The following RAX2 variants were observed in gnomAD, a reference collection of about 807,000 sequenced individuals.
RAX2 encodes the protein retina and anterior neural fold homeobox protein 2.
Under a neutral mutation model 5.8 loss-of-function variants are expected in RAX2, and 4 were observed. The ratio of observed to expected loss-of-function variants is 0.69; its 90% CI spans 0.34 to 1.58. The LOEUF is 1.58. RAX2 is among the 40% of genes most tolerant of loss of function. RAX2 has a pLI of 0.05. For missense variants in RAX2, 275 were observed against 271.4 expected, an observed-to-expected ratio of 1.01 and a Z score of -0.09; for synonymous variants, 133 against 128.8, an observed-to-expected ratio of 1.03 and a Z score of -0.22.
At position 3,770,786 on chromosome 19, in the gene RAX2, T is replaced by G. The variant is rs2037247103; in HGVS notation, c.390A>C (p.Pro130=). ...CCGGGCCCAGGAGGCGGGGGAGGCC[T>G]GGCACGGCCGGCGGTCCGGGGCCCA... ...PWLGPGPPAV[P]GLPRLLGPGP... is the part of the protein sequence containing the mutation. The change falls in exon 3 of 3, where the codon CCA becomes CCC. Residue 130 remains proline, a synonymous_variant. Transcript: ENST00000555633. 6.6e-7 allele frequency: 1 copy of G among 1,522,666 alleles called. No homozygotes were observed. The highest frequency in any genetic ancestry group is 8.8e-7 in the Non-Finnish European group (1 of 1,141,148). 94.3% of individuals were successfully genotyped at this position (1,522,666 alleles called of 1,614,324 possible).
Position 3,771,024 on chromosome 19 carries a change from C to T in RAX2, c.217-65G>A. On this transcript the variant is annotated intron_variant, in intron 2 of 2. Coordinates refer to ENST00000555633, the MANE Select transcript of RAX2 (RefSeq NM_001319074.4). The surrounding 1 kb of genome is among the most constrained non-coding windows in gnomAD (Gnocchi z 4.2). ...AGCCGCTCCCCGCCAATCCTCGGAC[C>T]CCCTCTGCACACCCCAGCCCTGGGG... 1 of 1,262,630 alleles carries T rather than the reference C, an allele frequency of 7.9e-7. No homozygotes were observed. The highest frequency in any genetic ancestry group is 2.0e-5 in the Admixed American group (1 of 50,308). The allele number at this position is 1,262,630 out of a possible 1,614,324, so 78.2% of individuals were successfully genotyped here.
Position 3,770,711 on chromosome 19 carries a change from G to A in RAX2, c.465C>T (p.Phe155=), listed in dbSNP as rs923302208. The A allele has an allele frequency of 1.1e-5, 17 of 1,535,592 alleles. No homozygotes were observed. The highest frequency in any genetic ancestry group is 2.7e-5 in the African/African-American group (2 of 72,946). Residue 155 remains phenylalanine (F), a synonymous_variant, in exon 3 of 3, where the codon TTC becomes TTT. Transcript: ENST00000555633. ...SFGPHAFAPT[F]ADGFALEEAS... ...CCTCCTCCAGGGCGAAGCCATCTGC[G>A]AAGGTGGGAGCAAAGGCATGAGGCC...
In RAX2 at chr19:3,769,906, G is replaced by C. The variant is rs2037232967; in HGVS notation, c.*715C>G. ...GGAGGCCCACCAGCACCTGGCCCGG[G>C]ACCCACCCTCTCTCCAGAACCTGTC... On this transcript the variant is annotated 3_prime_UTR_variant, in exon 3 of 3. Transcript: ENST00000555633. 6.6e-6 allele frequency: 1 copy of C among 152,588 alleles called. No homozygotes were observed. The highest frequency in any genetic ancestry group is 1.5e-5 in the Non-Finnish European group (1 of 68,408). The allele number at this position is 152,588 out of a possible 1,614,324, so 9.5% of individuals were successfully genotyped here. A position where few individuals can be genotyped will look rare whatever the true frequency, so the allele number is the denominator to read the frequency against.
chr19:3,771,851 G>T lies in RAX2; in HGVS notation c.-109C>A. The stretch of plus-strand genomic sequence containing the variant: ...CCCAGGCTTGCCTCCCGGCTCCGGG[G>T]AAATCGGTTCCCTCCACTGGGGCCG... On this transcript the variant is annotated 5_prime_UTR_variant, in exon 2 of 3. Coordinates refer to ENST00000555633, the MANE Select transcript of RAX2 (RefSeq NM_001319074.4). The surrounding 1 kb of genome is among the most constrained non-coding windows in gnomAD (Gnocchi z 4.2). 6.8e-7 allele frequency: 1 copy of T among 1,460,460 alleles called. No homozygotes were observed. The highest frequency in any genetic ancestry group is 9.0e-7 in the Non-Finnish European group (1 of 1,107,880). 90.5% of individuals were successfully genotyped at this position (1,460,460 alleles called of 1,614,324 possible). A position where few individuals can be genotyped will look rare whatever the true frequency, so the allele number is the denominator to read the frequency against.
In RAX2 at chr19:3,771,635, G is replaced by A. The variant is rs755448810; in HGVS notation, c.108C>T (p.Thr36=). The part of the protein sequence containing the change: ...KHRRNRTTFT[T]YQLHQLERAF... ...CCCGCTCCAGCTGGTGCAGCTGGTA[G>A]GTGGTGAAGGTGGTGCGGTTCCTCC... Residue 36 remains threonine (T), a synonymous_variant, in exon 2 of 3, where the codon ACC becomes ACT. Transcript: ENST00000555633. The surrounding 1 kb of genome is among the most constrained non-coding windows in gnomAD (Gnocchi z 4.2). The A allele has an allele frequency of 1.2e-6, 2 of 1,613,478 alleles. No individual in the cohort carries two copies. The highest frequency in any genetic ancestry group is 1.7e-5 in the Admixed American group (1 of 59,996).
Position 3,770,896 on chromosome 19 carries a change from C to A in RAX2, c.280G>T (p.Ala94Ser). 1 of 1,544,098 alleles carries A rather than the reference C, an allele frequency of 6.5e-7. No homozygotes were observed. The highest frequency in any genetic ancestry group is 1.9e-5 in the Admixed American group (1 of 51,560). Residue 94 changes from alanine to serine, a missense_variant, in exon 3 of 3, where the codon GCC becomes TCC. By Grantham distance (99) the Ala-to-Ser change is moderately conservative. Transcript: ENST00000555633. The part of the protein sequence containing the change: ...RQERLESGSG[A>S]VAAPRLPEAP... Reference sequence around the variant, plus strand: ...TCGGGGAGTCTCGGAGCTGCCACGGCACCCGAGCCTGACTCCAGCCGCTCC... The same window carrying A: ...TCGGGGAGTCTCGGAGCTGCCACGGAACCCGAGCCTGACTCCAGCCGCTCC...
At position 3,772,016 on chromosome 19, in the gene RAX2, T is replaced by C; in HGVS notation, c.-268-6A>G. On this transcript the variant is annotated splice_region_variant and splice_polypyrimidine_tract_variant and intron_variant, in intron 1 of 2. Transcript: ENST00000555633. Reference sequence around the variant, plus strand: ...CTCTCTGTGACTGTCACGGCCTGTGTGTGTGTGTGTCGGCGGGGGGGGGTC... The same window carrying C: ...CTCTCTGTGACTGTCACGGCCTGTGCGTGTGTGTGTCGGCGGGGGGGGGTC... 2.0e-6 allele frequency: 1 copy of C among 492,010 alleles called. No homozygotes were observed. Among genetic ancestry groups the C allele is most frequent in the Non-Finnish European group, 3.7e-6 (1 of 269,960 alleles). 30.5% of individuals were successfully genotyped at this position (492,010 alleles called of 1,614,324 possible). A position where few individuals can be genotyped will look rare whatever the true frequency, so the allele number is the denominator to read the frequency against.
rs543639717 is a variant in RAX2 at position 3,769,602 on chromosome 19, C to G, written c.*1019G>C. On this transcript the variant is annotated 3_prime_UTR_variant, in exon 3 of 3. Coordinates refer to ENST00000555633, the MANE Select transcript of RAX2 (RefSeq NM_001319074.4). Reference sequence around the variant, plus strand: ...GCTACTGCAGCTCCTGCCCTGGTGCCGCACTTCTGTCCCGGGAGGTGGCGC... The same window carrying G: ...GCTACTGCAGCTCCTGCCCTGGTGCGGCACTTCTGTCCCGGGAGGTGGCGC... 6.5e-6 allele frequency: 1 copy of G among 152,864 alleles called. No homozygotes were observed. Among genetic ancestry groups the G allele is most frequent in the Admixed American group, 6.5e-5 (1 of 15,304 alleles). The allele number at this position is 152,864 out of a possible 1,614,324, so 9.5% of individuals were successfully genotyped here.
chr19:3,771,123 A>C lies in RAX2; in HGVS notation c.217-164T>G, dbSNP rs904547539. Among the ~76,000 whole-genome samples, 56 of 151,808 alleles carry C rather than the reference A, an allele frequency of 3.7e-4. No individual in the cohort carries two copies. The highest frequency in any genetic ancestry group is 1.2e-3 in the African/African-American group (51 of 41,436). Reference sequence around the variant, plus strand: ...GCCCCAAGAAGATGAGGATCTCCCAAGCGTTCCCTAAGCCCAGGCTCCCCT... The same window carrying C: ...GCCCCAAGAAGATGAGGATCTCCCACGCGTTCCCTAAGCCCAGGCTCCCCT... On this transcript the variant is annotated intron_variant, in intron 2 of 2. Coordinates refer to ENST00000555633, the MANE Select transcript of RAX2 (RefSeq NM_001319074.4). The surrounding 1 kb of genome is among the most constrained non-coding windows in gnomAD (Gnocchi z 4.2).
rs772854972 is a variant in RAX2 at position 3,771,754 on chromosome 19, G to C, written c.-12C>G. ...GGGCTCAGGAACATGGCTCCCACCTGGTGGGACGGCAGCGGGACAGATGGT... is the reference window on the plus strand; with the variant it reads ...GGGCTCAGGAACATGGCTCCCACCTCGTGGGACGGCAGCGGGACAGATGGT... On this transcript the variant is annotated 5_prime_UTR_variant, in exon 2 of 3. Transcript: ENST00000555633. The surrounding 1 kb of genome is among the most constrained non-coding windows in gnomAD (Gnocchi z 4.2). 6.3e-7 allele frequency: 1 copy of C among 1,587,594 alleles called. No individual in the cohort carries two copies. Among genetic ancestry groups the C allele is most frequent in the Non-Finnish European group, 8.5e-7 (1 of 1,170,900 alleles).
rs2037259378 is a variant in RAX2 at position 3,771,456 on chromosome 19, GGA to G, written c.216+69_216+70del. ...TAGCTTCTCTTCTGCTGTTGCTCCG[GGA>G]GGGTCAGGATCTTGCTTTGCCTCCC... On this transcript the variant is annotated intron_variant, in intron 2 of 2. Coordinates refer to ENST00000555633, the MANE Select transcript of RAX2 (RefSeq NM_001319074.4). This position sits in a 1 kb window ranked among gnomAD's most constrained non-coding sequence, Gnocchi z 4.2. 3.2e-6 allele frequency: 4 copies of G among 1,261,232 alleles called. No homozygotes were observed. The highest frequency in any genetic ancestry group is 4.5e-6 in the Non-Finnish European group (4 of 886,990). The allele number at this position is 1,261,232 out of a possible 1,614,324, so 78.1% of individuals were successfully genotyped here.
chr19:3,772,030 C>CGGGG lies in RAX2; in HGVS notation c.-268-24_-268-21dup, dbSNP rs56745522. ...CACGGCCTGTGTGTGTGTGTGTCGG[C>CGGGG]GGGGGGGGGTCAAGGATGCCCCCCC... On this transcript the variant is annotated intron_variant, in intron 1 of 2. Coordinates refer to ENST00000555633, the MANE Select transcript of RAX2 (RefSeq NM_001319074.4). 51 of 385,332 alleles carry CGGGG rather than the reference C, an allele frequency of 1.3e-4. 1 individual carries two copies. The highest frequency in any genetic ancestry group is 1.1e-3 in the African/African-American group (44 of 39,240). 23.9% of individuals were successfully genotyped at this position (385,332 alleles called of 1,614,324 possible). A position where few individuals can be genotyped will look rare whatever the true frequency, so the allele number is the denominator to read the frequency against.
rs2037251711 is a variant in RAX2, at chr19:3,770,949, TG to T, written c.226del (p.Gln76ArgfsTer138). The T allele has an allele frequency of 6.4e-7, 1 of 1,561,816 alleles. No homozygotes were observed. The highest frequency in any genetic ancestry group is 8.6e-7 in the Non-Finnish European group (1 of 1,161,076). The stretch of plus-strand genomic sequence containing the variant: ...GCGGCGCCACTTGGCCCGGCGGTTC[TG>T]GAACCACACCTGGAGGGTGCGAGAG... ...LPEVRVQVWF[Q>X]NRRAKWRRQE... On this transcript the variant is annotated frameshift_variant, in exon 3 of 3. Transcript: ENST00000555633. LOFTEE classifies it low-confidence loss of function (END_TRUNC).
In RAX2 at chr19:3,770,784, C is replaced by G. The variant is rs937125036; in HGVS notation, c.392G>C (p.Gly131Ala). The G allele has an allele frequency of 6.6e-7, 1 of 1,522,642 alleles. No homozygotes were observed. The highest frequency in any genetic ancestry group is 8.8e-7 in the Non-Finnish European group (1 of 1,141,160). 94.3% of individuals were successfully genotyped at this position (1,522,642 alleles called of 1,614,324 possible). Residue 131 changes from glycine to alanine, a missense_variant, in exon 3 of 3, where the codon GGC becomes GCC. By Grantham distance (60) the Gly-to-Ala change is moderately conservative (BLOSUM62 0). Transcript: ENST00000555633. ...WLGPGPPAVP[G>A]LPRLLGPGPG... Reference sequence around the variant, plus strand: ...GCCCGGGCCCAGGAGGCGGGGGAGGCCTGGCACGGCCGGCGGTCCGGGGCC... The same window carrying G: ...GCCCGGGCCCAGGAGGCGGGGGAGGGCTGGCACGGCCGGCGGTCCGGGGCC...
Position 3,772,188 on chromosome 19 carries a change from T to C in RAX2, c.-294A>G, listed in dbSNP as rs1445635462. On this transcript the variant is annotated 5_prime_UTR_variant, in exon 1 of 3. Coordinates refer to ENST00000555633, the MANE Select transcript of RAX2 (RefSeq NM_001319074.4). ...CGCCCACGGCAGCCCCTCCGTCGAT[T>C]TCCACGGGACACCTGCCCCAGCGGG... The C allele has an allele frequency of 1.1e-5, 5 of 456,016 alleles. No individual in the cohort carries two copies. The Admixed American group carries it at 1.2e-4, about 11-fold the overall frequency. The allele number at this position is 456,016 out of a possible 1,614,324, so 28.2% of individuals were successfully genotyped here.
Position 3,770,187 on chromosome 19 carries a change from T to G in RAX2, c.*434A>C. Reference sequence around the variant, plus strand: ...TCCAGGGGACTGGGAGCCTGGAGAGTGGGCAGCTCTGCTGATGGGGATTAG... The same window carrying G: ...TCCAGGGGACTGGGAGCCTGGAGAGGGGGCAGCTCTGCTGATGGGGATTAG... On this transcript the variant is annotated 3_prime_UTR_variant, in exon 3 of 3. Transcript: ENST00000555633. The G allele has an allele frequency of 5.7e-6, 1 of 175,758 alleles. No homozygotes were observed. The allele number at this position is 175,758 out of a possible 1,614,324, so 10.9% of individuals were successfully genotyped here.
In RAX2 at chr19:3,771,602, C is replaced by T. The variant is rs778346457; in HGVS notation, c.141G>A (p.Glu47=). 4.3e-6 allele frequency: 7 copies of T among 1,612,228 alleles called. No homozygotes were observed. In the Admixed American group the frequency reaches 8.4e-5, roughly 19 times the overall value. The change falls in exon 2 of 3, where the codon GAG becomes GAA. Residue 47 remains glutamate, a synonymous_variant. Transcript: ENST00000555633. The surrounding 1 kb of genome is among the most constrained non-coding windows in gnomAD (Gnocchi z 4.2). ...YQLHQLERAF[E]ASHYPDVYSR... ...TGTACACATCCGGGTAGTGAGAGGC[C>T]TCGAACGCCCGCTCCAGCTGGTGCA... is the stretch of plus-strand genomic sequence containing the variant.
chr19:3,771,002 C>T lies in RAX2; in HGVS notation c.217-43G>A, dbSNP rs767263155. The stretch of plus-strand genomic sequence containing the variant: ...GAAGGGGGGTTGCTGTGAGCTCAGC[C>T]GCTCCCCGCCAATCCTCGGACCCCC... On this transcript the variant is annotated intron_variant, in intron 2 of 2. Coordinates refer to ENST00000555633, the MANE Select transcript of RAX2 (RefSeq NM_001319074.4). This position sits in a 1 kb window ranked among gnomAD's most constrained non-coding sequence, Gnocchi z 4.2. The T allele has an allele frequency of 1.1e-5, 16 of 1,448,962 alleles. No individual in the cohort carries two copies. Among genetic ancestry groups the T allele is most frequent in the Middle Eastern group, 1.9e-4 (1 of 5,162 alleles). The allele number at this position is 1,448,962 out of a possible 1,614,324, so 89.8% of individuals were successfully genotyped here.
chr19:3,771,036 C>G lies in RAX2; in HGVS notation c.217-77G>C. On this transcript the variant is annotated intron_variant, in intron 2 of 2. Transcript: ENST00000555633. This position sits in a 1 kb window ranked among gnomAD's most constrained non-coding sequence, Gnocchi z 4.2. The stretch of plus-strand genomic sequence containing the variant: ...CCAATCCTCGGACCCCCTCTGCACA[C>G]CCCAGCCCTGGGGGTTCTGACTCCC... The G allele has an allele frequency of 8.5e-7, 1 of 1,170,100 alleles. No individual in the cohort carries two copies. The highest frequency in any genetic ancestry group is 1.3e-5 in the South Asian group (1 of 76,774). The allele number at this position is 1,170,100 out of a possible 1,614,324, so 72.5% of individuals were successfully genotyped here.
Sources: gnomAD v4.1 joint callset for allele counts (sites outside exome capture counted in the v4.1 genomes callset) on GRCh38, gnomAD v4.1.1 for gene constraint, Gnocchi (gnomAD v3.1) non-coding constraint, MANE v1.5 for transcripts, NCBI Gene and HGNC (gene_info 2026-07-23, HGNC 2026-07-21) for gene names.